SLC7A6: variants seen among roughly 807,000 people sequenced by gnomAD.
The protein encoded by SLC7A6 is Y+L amino acid transporter 2.
A neutral mutation model predicts 46.6 loss-of-function variants in SLC7A6; 29 were observed. That is an observed-to-expected ratio of 0.62 (90% CI 0.46 to 0.85). SLC7A6 has a LOEUF of 0.85. SLC7A6 is among the 40% of genes least tolerant of loss of function. The pLI is 0.00. For synonymous variants in SLC7A6, 276 were observed against 257.3 expected (o/e 1.07, Z -0.70); for missense variants, 527 against 647.6 (o/e 0.81, Z 2.02).
chr16:68,290,655 T>C, intron 5 of SLC7A6, 115 bp downstream of exon 5: 2 of 1,242,452 alleles, frequency 1.6e-6, no homozygotes, highest in Admixed American at 3.7e-5. Flanking sequence ...CTCTTCTCCC[T>C]ACTCCCCCTT....
At position 68,291,296 on chromosome 16, in the gene SLC7A6, C is replaced by T; in HGVS notation, c.882C>T (p.Asn294=). The change falls in exon 6 of 11, where the codon AAC becomes AAT. Residue 294 remains asparagine (N), a synonymous_variant. Transcript: ENST00000219343. ...ATGTGGCCTATTACACAGTGCTGAA[C>T]ATTTCAGATGTCCTTAGCAGTGATG... ...LTNVAYYTVL[N]ISDVLSSDAV... The T allele has an allele frequency of 1.9e-6, 3 of 1,614,212 alleles. No individual in the cohort carries two copies. The highest frequency in any genetic ancestry group is 8.5e-7 in the Non-Finnish European group (1 of 1,180,036).
At chr16:68,283,265 G>T (rs1567588700) in intron 3 of SLC7A6, among the ~76,000 whole-genome samples, 1 of 152,194 alleles carries the variant, frequency 6.6e-6, no homozygotes, top group Non-Finnish European at 1.5e-5. Flanking sequence ...AGGCAGTGTG[G>T]TTTGGATGAC....
chr16:68,288,241 G>A (rs945424133), intron 4 of SLC7A6, among the ~76,000 whole-genome samples: 1 of 152,182 alleles, frequency 6.6e-6, no homozygotes, highest in Non-Finnish European at 1.5e-5. Flanking sequence ...GGAAGACTGG[G>A]CCCTCCTTGA....
chr16:68,272,233 G>A (rs2042635139), intron 2 of SLC7A6, among the ~76,000 whole-genome samples: 1 of 151,704 alleles, frequency 6.6e-6, no homozygotes, highest in Non-Finnish European at 1.5e-5. Flanking sequence ...GGGCAATGTA[G>A]TGAAACACTG....
At chr16:68,265,138 A>T (rs990491022) in intron 1 of SLC7A6, among the ~76,000 whole-genome samples, 1 of 152,208 alleles carries the variant, frequency 6.6e-6, no homozygotes, top group Admixed American at 6.5e-5. Context: ...TTATCATTTT[A>T]AAATCAGTCC....
intron 2 of SLC7A6, among the ~76,000 whole-genome samples, chr16:68,274,205 G>C (rs1219939112): frequency 6.6e-6 from 1 of 152,180 alleles, no homozygotes; most frequent in East Asian, 1.9e-4. Context: ...TGTCTTGCTG[G>C]ACATTGCAGA....
Position 68,296,677 on chromosome 16 carries a change from G to C in SLC7A6, c.1320G>C (p.Val440=). ...IVFCICSVFL[V]IVPLFTDTIN... ...TCTGCATATGCTCCGTGTTTCTGGTGATAGTGCCCCTCTTCACTGACACCA... is the reference window on the plus strand; with the variant it reads ...TCTGCATATGCTCCGTGTTTCTGGTCATAGTGCCCCTCTTCACTGACACCA... Residue 440 remains valine, a synonymous_variant, in exon 10 of 11, where the codon GTG becomes GTC. Transcript: ENST00000219343. 6.2e-7 allele frequency: 1 copy of C among 1,614,206 alleles called. No homozygotes were observed. Among genetic ancestry groups the C allele is most frequent in the Non-Finnish European group, 8.5e-7 (1 of 1,180,038 alleles).
chr16:68,288,032 G>A (rs556226440), intron 4 of SLC7A6, among the ~76,000 whole-genome samples, 161 bp downstream of exon 4: 2 of 152,290 alleles, frequency 1.3e-5, no homozygotes, highest in East Asian at 3.9e-4. Flanking sequence ...GGCTTTTTGG[G>A]CCAGGCTGGC....
intron 10 of SLC7A6, 74 bp from the exon 11 acceptor site, chr16:68,297,160 C>A: frequency 7.2e-7 from 1 of 1,386,920 alleles, no homozygotes; most frequent in Non-Finnish European, 1.0e-6. Context: ...ATAGATGTTA[C>A]TAGTCAGCCT....
intron 1 of SLC7A6, among the ~76,000 whole-genome samples, chr16:68,266,300 G>A (rs1361592649): frequency 6.6e-6 from 1 of 152,044 alleles, no homozygotes; most frequent in African/African-American, 2.4e-5. Flanking sequence ...GTGCCCACGG[G>A]ACCTGGGGCC....
chr16:68,294,794 T>C lies in SLC7A6; in HGVS notation c.1112T>C (p.Leu371Pro). The C allele has an allele frequency of 6.2e-7, 1 of 1,612,712 alleles. No individual in the cohort carries two copies. Among genetic ancestry groups the C allele is most frequent in the Non-Finnish European group, 8.5e-7 (1 of 1,178,668 alleles). ...IERFTPIPAL[L>P]FNCTMALIYL... is the part of the protein sequence containing the mutation. Reference sequence around the variant, plus strand: ...CGTTTTACACCTATCCCTGCTTTACTGTTCAATGTAAGCTTTGCTGGGACC... The same window carrying C: ...CGTTTTACACCTATCCCTGCTTTACCGTTCAATGTAAGCTTTGCTGGGACC... The change falls in exon 8 of 11, where the codon CTG becomes CCG. Residue 371 changes from leucine to proline, a missense_variant. By Grantham distance (98) the Leu-to-Pro change is moderately conservative. Coordinates refer to ENST00000219343, the MANE Select transcript of SLC7A6 (RefSeq NM_003983.6).
chr16:68,277,873 C>T (rs1413451925), intron 3 of SLC7A6, among the ~76,000 whole-genome samples: 2 of 150,474 alleles, frequency 1.3e-5, no homozygotes, highest in East Asian at 3.9e-4. Context: ...GTGATCTGCC[C>T]ACCCGGCCTC....
intron 3 of SLC7A6, chr16:68,284,079 T>C (rs1282888824): frequency 6.5e-6 from 1 of 153,028 alleles, no homozygotes; most frequent in East Asian, 1.9e-4. Flanking sequence ...GGGGTCAGCG[T>C]TGAAGGGCGT....
chr16:68,291,728 G>A, intron 7 of SLC7A6, 67 bp downstream of exon 7: 2 of 1,400,774 alleles, frequency 1.4e-6, no homozygotes, highest in Non-Finnish European at 2.0e-6. Flanking sequence ...AGGCATAAGA[G>A]TTCCTTTTTT....
In SLC7A6 at chr16:68,271,994, C is replaced by T. The variant is rs538300295; in HGVS notation, c.-36-2697C>T. ...ATTTTTTTGTATTTTTATTAGAGAC[C>T]GGGTTTCACCATGTTGGCCAGGATG... On this transcript the variant is annotated intron_variant, in intron 2 of 10. Coordinates refer to ENST00000219343, the MANE Select transcript of SLC7A6 (RefSeq NM_003983.6). Among the ~76,000 whole-genome samples, 460 of 152,018 alleles carry T rather than the reference C, an allele frequency of 3.0e-3. 2 individuals carry two copies. Among genetic ancestry groups the T allele is most frequent in the Non-Finnish European group, 4.6e-3 (314 of 67,978 alleles).
intron 3 of SLC7A6, among the ~76,000 whole-genome samples, chr16:68,280,468 T>C (rs191240778): frequency 6.6e-6 from 1 of 152,196 alleles, no homozygotes; most frequent in African/African-American, 2.4e-5. Context: ...TTGAATTAGT[T>C]GCCAACATTT....
In SLC7A6 at chr16:68,300,726, G is replaced by A; in HGVS notation, c.*3398G>A. ...CAGTAATTTCACAACCGTTATCAGA[G>A]TTTGGAAGCAGAAATAGCTGTTAAC... On this transcript the variant is annotated 3_prime_UTR_variant, in exon 11 of 11. Transcript: ENST00000219343. 3.0e-6 allele frequency: 3 copies of A among 985,464 alleles called. No homozygotes were observed. The highest frequency in any genetic ancestry group is 3.6e-6 in the Non-Finnish European group (3 of 829,964). The allele number at this position is 985,464 out of a possible 1,614,324, so 61.0% of individuals were successfully genotyped here.
At chr16:68,281,626 G>A (rs569742523) in intron 3 of SLC7A6, among the ~76,000 whole-genome samples, 1 of 152,312 alleles carries the variant, frequency 6.6e-6, no homozygotes, top group African/African-American at 2.4e-5. Context: ...GACTAATGGG[G>A]AGAAATGTTG....
At chr16:68,287,205 TG>T in intron 3 of SLC7A6, 1 of 691,754 alleles carries the variant, frequency 1.4e-6, no homozygotes, top group Non-Finnish European at 2.1e-6. Context: ...CTCTAACTCC[TG>T]GGCTCACATG....
Sources: allele counts gnomAD v4.1 joint callset (sites outside exome capture counted in the v4.1 genomes callset), GRCh38; gene constraint gnomAD v4.1.1; transcripts MANE v1.5; gene names NCBI Gene and HGNC (gene_info 2026-07-23, HGNC 2026-07-21).